The following DRC4 variants were observed in gnomAD, a reference collection of about 807,000 sequenced individuals.
DRC4 encodes GAS-11.
At chr16:90,028,202 T>TTTTTTTTTTTTTA in the DRC4 span, among the ~76,000 whole-genome samples, 1 of 124,536 alleles carries the variant, frequency 8.0e-6, no homozygotes, top group Non-Finnish European at 1.8e-5. Context: ...TTTTTTTTTT[T>TTTTTTTTTTTTTA]GAGACGGAGT....
At chr16:90,036,862 A>G in the DRC4 span, 3 of 598,394 alleles carry the variant, frequency 5.0e-6, no homozygotes. Context: ...CTCAGATGGA[A>G]CCGCAGTGAG....
At chr16:90,028,785 C>T in the DRC4 span, 1 of 582,156 alleles carries the variant, frequency 1.7e-6, no homozygotes, top group Non-Finnish European at 2.6e-6. Context: ...AGGGCTGTGT[C>T]AACTCTGTGT....
chr16:90,044,479 C>G, the DRC4 span: 1 of 470,828 alleles, frequency 2.1e-6, no homozygotes, highest in South Asian at 1.5e-5. Flanking sequence ...CCTCAGCCCC[C>G]TCCAGCCCAC....
chr16:90,020,074 C>A, the DRC4 span: 1 of 666,908 alleles, frequency 1.5e-6, no homozygotes, highest in Non-Finnish European at 2.7e-6. Context: ...TGGCCTGGGC[C>A]ACTGCTTCTC....
At chr16:90,021,455 G>C in the DRC4 span, among the ~76,000 whole-genome samples, 1 of 150,900 alleles carries the variant, frequency 6.6e-6, no homozygotes, top group African/African-American at 2.4e-5. Context: ...GTCTCATTCT[G>C]TTACCTAGGC....
At chr16:90,027,730 G>A in the DRC4 span, 1 of 1,614,040 alleles carries the variant, frequency 6.2e-7, no homozygotes, top group Non-Finnish European at 8.5e-7. Context: ...CAGGTGAGCA[G>A]AGCGGGCTGT....
chr16:90,042,395 C>A, the DRC4 span: 3 of 1,237,276 alleles, frequency 2.4e-6, no homozygotes, highest in Non-Finnish European at 3.6e-6. Context: ...AGAACGCCCA[C>A]TGGAGTCCCC....
At chr16:90,027,701 A>G in the DRC4 span, 290 of 1,613,862 alleles carry the variant, frequency 1.8e-4, no homozygotes, top group Non-Finnish European at 2.3e-4. Context: ...GGCTCGCTCC[A>G]GAGGACATGA....
At chr16:90,043,330 G>A in the DRC4 span, 1 of 1,602,030 alleles carries the variant, frequency 6.2e-7, no homozygotes, top group South Asian at 1.1e-5. Context: ...CGGGACTGGT[G>A]GGCACCCCGA....
chr16:90,042,949 C>T, the DRC4 span: 28 of 543,310 alleles, frequency 5.2e-5, no homozygotes, highest in African/African-American at 4.5e-4. Context: ...CCTGAGTGTC[C>T]CTGCCCTCTG....
the DRC4 span, among the ~76,000 whole-genome samples, chr16:90,027,421 A>T: frequency 6.6e-6 from 1 of 152,142 alleles, no homozygotes; most frequent in Non-Finnish European, 1.5e-5. Context: ...TCTCCTTCTC[A>T]AAAGGAAGGT....
the DRC4 span, chr16:90,029,220 GGC>G: frequency 2.9e-6 from 4 of 1,365,958 alleles, no homozygotes; most frequent in South Asian, 1.1e-5. Context: ...CTACGGGGCA[GGC>G]CCTTGCACTG....
the DRC4 span, among the ~76,000 whole-genome samples, chr16:90,025,338 A>C: frequency 6.6e-6 from 1 of 151,298 alleles, no homozygotes; most frequent in Non-Finnish European, 1.5e-5. Flanking sequence ...GTTTTCATTC[A>C]GGACTAAATG....
At chr16:90,025,404 C>A in the DRC4 span, among the ~76,000 whole-genome samples, 1 of 151,268 alleles carries the variant, frequency 6.6e-6, no homozygotes, top group Admixed American at 6.6e-5. Context: ...GTAATCCCAG[C>A]ACTTTGGGAG....
the DRC4 span, among the ~76,000 whole-genome samples, chr16:90,041,402 C>T: frequency 2.0e-5 from 3 of 152,224 alleles, no homozygotes; most frequent in Non-Finnish European, 4.4e-5. Flanking sequence ...CTGGGCCCAG[C>T]AGTGCCCCAC....
chr16:90,044,181 G>T, the DRC4 span: 4 of 454,588 alleles, frequency 8.8e-6, no homozygotes, highest in Non-Finnish European at 1.8e-5. Flanking sequence ...CCAGTGTGGG[G>T]TGAGGCAGTG....
At chr16:90,031,229 C>T in the DRC4 span, 58 of 1,599,636 alleles carry the variant, frequency 3.6e-5, no homozygotes, top group Middle Eastern at 1.6e-4. Flanking sequence ...TGCCTTTCGC[C>T]GGCCACACGC....
At chr16:90,036,361 T>A in the DRC4 span, 1 of 1,585,960 alleles carries the variant, frequency 6.3e-7, no homozygotes, top group Non-Finnish European at 8.6e-7. Flanking sequence ...GCTAAGCTGC[T>A]GTTTGCTGCT....
chr16:90,042,380 C>G, the DRC4 span: 2 of 1,012,680 alleles, frequency 2.0e-6, no homozygotes, highest in Admixed American at 1.7e-5. Context: ...TTCGCTGGAT[C>G]TCTCAGAACG....
Sources: allele counts gnomAD v4.1 joint callset (sites outside exome capture counted in the v4.1 genomes callset), GRCh38; gene constraint gnomAD v4.1.1; transcripts MANE v1.5; gene names NCBI Gene and HGNC (gene_info 2026-07-23, HGNC 2026-07-21).